The following AGR3 variants were observed in gnomAD, a reference collection of about 807,000 sequenced individuals.
AGR3 encodes the protein anterior gradient protein 3.
A neutral mutation model predicts 24.5 loss-of-function variants in AGR3; 37 were observed. That is an observed-to-expected ratio of 1.51 (90% CI 1.16 to 1.99). The LOEUF is 1.99. Among genes scored for constraint, AGR3 ranks in the 30% most tolerant of loss-of-function variants. AGR3 has a pLI of 0.00. For synonymous variants in AGR3, 75 were observed against 61.6 expected, an observed-to-expected ratio of 1.22 and a Z score of -1.02; for missense variants, 228 against 191.1, an observed-to-expected ratio of 1.19 and a Z score of -1.14.
Position 16,873,778 on chromosome 7 carries a change from A to G in AGR3, c.173+2T>C, listed in dbSNP as rs781549059. The G allele has an allele frequency of 6.2e-7, 1 of 1,606,324 alleles. No individual in the cohort carries two copies. The highest frequency in any genetic ancestry group is 1.1e-5 in the South Asian group (1 of 90,906). On this transcript the variant is annotated splice_donor_variant, in intron 3 of 7. Coordinates refer to ENST00000310398, the MANE Select transcript of AGR3 (RefSeq NM_176813.5). LOFTEE classifies it high-confidence loss of function. ...AAAAAAATGAGCTGAGAAGCATGTT[A>G]CCTTTTTTGAGCATAAAAGAGACCT...
Position 16,862,032 on chromosome 7 carries a change from T to G in AGR3, c.255A>C (p.Glu85Asp). The change falls in exon 5 of 8, where the codon GAA becomes GAC. Residue 85 changes from glutamate to aspartate, a missense_variant. Transcript: ENST00000310398. The part of the protein sequence containing the change: ...QALKKVFAQN[E>D]EIQEMAQNKF... ...TATTCTGAGCCATTTCTTGTATTTC[T>G]TCATTTTGGGCAAATACTTTCTTTA... is the stretch of plus-strand genomic sequence containing the variant. 1 of 1,613,756 alleles carries G rather than the reference T, an allele frequency of 6.2e-7. No individual in the cohort carries two copies. Among genetic ancestry groups the G allele is most frequent in the Admixed American group, 1.7e-5 (1 of 60,012 alleles).
intron 3 of AGR3, among the ~76,000 whole-genome samples, chr7:16,863,766 C>T (rs929928087): frequency 6.6e-6 from 1 of 151,854 alleles, no homozygotes; most frequent in African/African-American, 2.4e-5. Context: ...TTATTAGTCT[C>T]CCCAAAGATG....
chr7:16,859,219 G>C (rs1781594271), downstream of AGR3, among the ~76,000 whole-genome samples: 2 of 144,488 alleles, frequency 1.4e-5, no homozygotes, highest in Non-Finnish European at 3.0e-5. Flanking sequence ...GCAACATAGT[G>C]AGACTGCATC....
chr7:16,861,952 A>T, intron 5 of AGR3, 32 bp downstream of exon 5: 1 of 1,446,848 alleles, frequency 6.9e-7, no homozygotes, highest in Non-Finnish European at 9.5e-7. Flanking sequence ...ATGAAATTAT[A>T]GTATTAAGAA....
intron 3 of AGR3, among the ~76,000 whole-genome samples, chr7:16,870,149 A>G (rs1433227622): frequency 1.3e-5 from 2 of 151,792 alleles, no homozygotes; most frequent in African/African-American, 4.8e-5. Context: ...TCTTCTGTCA[A>G]GTTTATTCTG....
chr7:16,857,304 CAT>C (rs1252922996), downstream of AGR3, among the ~76,000 whole-genome samples: 8 of 151,958 alleles, frequency 5.3e-5, no homozygotes, highest in East Asian at 5.8e-4. Flanking sequence ...TGTATAACAA[CAT>C]AGAAATATAT....
downstream of AGR3, among the ~76,000 whole-genome samples, chr7:16,856,448 A>G (rs995969631): frequency 3.9e-5 from 6 of 152,238 alleles, no homozygotes; most frequent in Admixed American, 1.3e-4. Flanking sequence ...AAAATATCAC[A>G]TAAATAACCA....
chr7:16,878,296 G>A (rs1782029922), intron 2 of AGR3, among the ~76,000 whole-genome samples: 1 of 152,144 alleles, frequency 6.6e-6, no homozygotes, highest in Admixed American at 6.5e-5. Flanking sequence ...AAAAGATAAT[G>A]CAAATTTATG....
chr7:16,866,228 T>C, intron 3 of AGR3: 3 of 523,614 alleles, frequency 5.7e-6, no homozygotes, highest in Non-Finnish European at 1.2e-5. Flanking sequence ...CTCTATACTC[T>C]AGAAAATCAT....
chr7:16,864,391 G>T, intron 3 of AGR3: 1 of 1,299,438 alleles, frequency 7.7e-7, no homozygotes, highest in Non-Finnish European at 1.1e-6. Context: ...AAGAGACCAG[G>T]TTTCCAGCTC....
chr7:16,876,198 C>A (rs542571156), intron 2 of AGR3, among the ~76,000 whole-genome samples: 5 of 152,180 alleles, frequency 3.3e-5, no homozygotes, highest in Non-Finnish European at 7.4e-5. Flanking sequence ...CTGTTATAAT[C>A]ACAATAGGTC....
downstream of AGR3, among the ~76,000 whole-genome samples, chr7:16,857,339 A>G (rs558792210): frequency 8.5e-5 from 13 of 152,354 alleles, no homozygotes; most frequent in South Asian, 2.5e-3. Flanking sequence ...ATAAAGGTAT[A>G]TACATTTTCA....
chr7:16,872,621 T>C (rs1014429893), intron 3 of AGR3, among the ~76,000 whole-genome samples: 3 of 152,122 alleles, frequency 2.0e-5, no homozygotes, highest in Non-Finnish European at 4.4e-5. Flanking sequence ...CTATGTCACC[T>C]GAGAAGCATC....
At chr7:16,862,514 G>T (rs972265433) in intron 4 of AGR3, 96 bp downstream of exon 4, 4 of 681,420 alleles carry the variant, frequency 5.9e-6, no homozygotes, top group African/African-American at 5.7e-5. Context: ...AATGGGATTT[G>T]CTGAGCGCCT....
intron 1 of AGR3, among the ~76,000 whole-genome samples, chr7:16,880,221 G>C (rs1279603203): frequency 1.4e-5 from 2 of 146,170 alleles, no homozygotes; most frequent in Non-Finnish European, 3.0e-5. Flanking sequence ...AGTGCAGTGG[G>C]GCCATCTCCA....
chr7:16,855,234 C>G (rs370261111), downstream of AGR3, among the ~76,000 whole-genome samples: 18 of 152,194 alleles, frequency 1.2e-4, 1 homozygote, highest in East Asian at 3.5e-3. Context: ...TTTTAATGAC[C>G]TTATTTCCAA....
chr7:16,864,868 C>G (rs1781723878), intron 3 of AGR3: 4 of 863,974 alleles, frequency 4.6e-6, no homozygotes, highest in Non-Finnish European at 8.1e-6. Context: ...CCAGTCACCA[C>G]TGAGGATACC....
In AGR3 at chr7:16,861,899, T is replaced by TAA. The variant is rs56817783; in HGVS notation, c.303+83_303+84dup. On this transcript the variant is annotated intron_variant, in intron 5 of 7. Transcript: ENST00000310398. ...CTGGGTGACAGAGCGAGACTCTGTC[T>TAA]AAAAAAAAAAAAAAAAAAGAAAAAA... 5,397 of 859,246 alleles carry TAA rather than the reference T, an allele frequency of 6.3e-3. 20 individuals carry two copies. The highest frequency in any genetic ancestry group is 0.012 in the South Asian group (643 of 54,564). 53.2% of individuals were successfully genotyped at this position (859,246 alleles called of 1,614,324 possible).
At chr7:16,875,163 T>C (rs1781961977) in intron 2 of AGR3, among the ~76,000 whole-genome samples, 1 of 151,782 alleles carries the variant, frequency 6.6e-6, no homozygotes, top group South Asian at 2.1e-4. Flanking sequence ...TTTTTCAGTA[T>C]ATCCACGAAG....
Sources: gnomAD v4.1 joint callset for allele counts (sites outside exome capture counted in the v4.1 genomes callset) on GRCh38, gnomAD v4.1.1 for gene constraint, MANE v1.5 for transcripts, NCBI Gene and HGNC (gene_info 2026-07-23, HGNC 2026-07-21) for gene names.